Variants in IPO5 observed in about 807,000 individuals in gnomAD.
IPO5 encodes importin 5.
Under a neutral mutation model 143.3 loss-of-function variants are expected in IPO5, and 18 were observed. That is an observed-to-expected ratio of 0.13 (90% confidence interval 0.09 to 0.19). The LOEUF (loss-of-function observed/expected upper bound fraction) is 0.19. IPO5 is among the 10% of genes least tolerant of loss of function. The pLI is 1.00. For missense variants in IPO5, 1,013 were observed against 1,336.9 expected (o/e 0.76, Z 3.78); for synonymous variants, 477 against 465.7 (o/e 1.02, Z -0.31).
chr13:97,991,786 G>T (rs1887827676), intron 9 of IPO5, among the ~76,000 whole-genome samples: 1 of 152,190 alleles, frequency 6.6e-6, no homozygotes, highest in Non-Finnish European at 1.5e-5. Context: ...TTGTGAGTTA[G>T]TTTCTAGGTT....
chr13:97,981,034 C>T (rs1342815218), intron 4 of IPO5, among the ~76,000 whole-genome samples: 1 of 152,078 alleles, frequency 6.6e-6, no homozygotes, highest in Non-Finnish European at 1.5e-5. Context: ...GGTACATAAC[C>T]ATTTTTGCAT....
chr13:98,000,027 G>A (rs1336746831), intron 12 of IPO5, among the ~76,000 whole-genome samples: 1 of 152,214 alleles, frequency 6.6e-6, no homozygotes, highest in Non-Finnish European at 1.5e-5. Context: ...GCTCACGCCT[G>A]TAATCTTAGC....
intron 17 of IPO5, chr13:98,007,280 T>C: frequency 6.6e-6 from 1 of 152,334 alleles, no homozygotes. Context: ...TCCCTTTAAA[T>C]ATGTGCTTGG....
In IPO5 at chr13:97,967,525, AATTG is replaced by A. The variant is rs1051457017; in HGVS notation, c.-112-2195_-112-2192del. ...GTAGGTTATTGATTTCTTCTTTTCTAATTGATAAGGACAGCTCTAAGTGTCCCTA... is the reference window on the plus strand; with the variant it reads ...GTAGGTTATTGATTTCTTCTTTTCTAATAAGGACAGCTCTAAGTGTCCCTA... On this transcript the variant is annotated intron_variant, in intron 2 of 28. Transcript: ENST00000651721. 4.6e-5 allele frequency among the ~76,000 whole-genome samples: 7 copies of A among 151,986 alleles called. 1 individual carries two copies. The highest frequency in any genetic ancestry group is 6.6e-5 in the Admixed American group (1 of 15,264).
At chr13:97,965,579 G>A (rs1314486957) in intron 2 of IPO5, among the ~76,000 whole-genome samples, 1 of 152,082 alleles carries the variant, frequency 6.6e-6, no homozygotes, top group African/African-American at 2.4e-5. Context: ...TTCTGTGAAA[G>A]TTACTATTAC....
chr13:97,973,635 C>G (rs182110188), intron 3 of IPO5, among the ~76,000 whole-genome samples: 29 of 152,310 alleles, frequency 1.9e-4, no homozygotes, highest in Admixed American at 8.5e-4. Flanking sequence ...TTCTCCTTCC[C>G]TTTTGATTGG....
intron 26 of IPO5, among the ~76,000 whole-genome samples, 167 bp downstream of exon 26, chr13:98,018,871 T>C (rs1241482400): frequency 6.6e-6 from 1 of 152,230 alleles, no homozygotes; most frequent in African/African-American, 2.4e-5. Context: ...AAAGATGATT[T>C]ATTCTCATAG....
At chr13:97,995,985 G>C (rs781744863) in intron 11 of IPO5, among the ~76,000 whole-genome samples, 5 of 152,086 alleles carry the variant, frequency 3.3e-5, no homozygotes, top group African/African-American at 9.7e-5. Flanking sequence ...CACCATAAAT[G>C]AACTGAAAAA....
intron 25 of IPO5, 92 bp downstream of exon 25, chr13:98,016,943 G>T: frequency 1.1e-6 from 1 of 941,004 alleles, no homozygotes; most frequent in Non-Finnish European, 1.5e-6. Flanking sequence ...AGTTAAAATG[G>T]GTCTCAGAAA....
At position 98,022,824 on chromosome 13, in the gene IPO5, T is replaced by G. The variant is rs1307542975; in HGVS notation, c.*1002T>G. 3 of 152,644 alleles carry G rather than the reference T, an allele frequency of 2.0e-5. No homozygotes were observed. Among genetic ancestry groups the G allele is most frequent in the Non-Finnish European group, 4.4e-5 (3 of 68,042 alleles). The allele number at this position is 152,644 out of a possible 1,614,324, so 9.5% of individuals were successfully genotyped here. On this transcript the variant is annotated 3_prime_UTR_variant, in exon 29 of 29. Transcript: ENST00000651721. ...TTGCTGTAGAGCCACACACAACTTTTGAACTTTTAATTATAAGTGTTATGG... is the reference window on the plus strand; with the variant it reads ...TTGCTGTAGAGCCACACACAACTTTGGAACTTTTAATTATAAGTGTTATGG...
Position 97,989,070 on chromosome 13 carries a change from G to A in IPO5, c.373G>A (p.Gly125Ser). ...GATTTCTTTACTTTCAGATGAGGATGGCAATAACCAGTGGCCCGAAGGTTT... is the reference window on the plus strand; with the variant it reads ...GATTTCTTTACTTTCAGATGAGGATAGCAATAACCAGTGGCCCGAAGGTTT... ...ELARNLIDED[G>S]NNQWPEGLKF... Residue 125 changes from glycine to serine, a missense_variant, in exon 7 of 29, where the codon GGC (glycine) becomes AGC (serine). This residue lies in a region of IPO5 where 328 missense variants were observed against 342.0 expected (regional missense o/e 0.96). Transcript: ENST00000651721. 6.2e-7 allele frequency: 1 copy of A among 1,603,630 alleles called. No homozygotes were observed. The highest frequency in any genetic ancestry group is 8.5e-7 in the Non-Finnish European group (1 of 1,170,854).
At chr13:97,977,281 C>G (rs1164482529) in intron 4 of IPO5, among the ~76,000 whole-genome samples, 2 of 152,222 alleles carry the variant, frequency 1.3e-5, no homozygotes, top group African/African-American at 4.8e-5. Flanking sequence ...CTGTCCCTCT[C>G]TTTTTAAATA....
chr13:97,976,844 G>T, intron 4 of IPO5, 58 bp downstream of exon 4: 1 of 699,756 alleles, frequency 1.4e-6, no homozygotes, highest in Non-Finnish European at 2.1e-6. Flanking sequence ...ACCCTTTACC[G>T]ACGCCAGCCG....
chr13:98,013,882 A>C (rs1889905908), intron 21 of IPO5, among the ~76,000 whole-genome samples, 160 bp from the exon 22 acceptor site: 1 of 152,124 alleles, frequency 6.6e-6, no homozygotes, highest in South Asian at 2.1e-4. Flanking sequence ...AGGAGACAGG[A>C]GGTATGTCTT....
intron 2 of IPO5, among the ~76,000 whole-genome samples, chr13:97,955,229 G>GAA (rs113662514): frequency 1.5e-5 from 2 of 137,304 alleles, no homozygotes; most frequent in African/African-American, 5.3e-5. Context: ...ACCCTATCAC[G>GAA]AAAAAAAAAA....
At position 97,990,160 on chromosome 13, in the gene IPO5, C is replaced by T; in HGVS notation, c.502C>T (p.His168Tyr). The T allele has an allele frequency of 6.2e-7, 1 of 1,613,110 alleles. No individual in the cohort carries two copies. The highest frequency in any genetic ancestry group is 8.5e-7 in the Non-Finnish European group (1 of 1,179,306). ...FPGIFGNQQQ[H>Y]YLDVIKRMLV... ...TGGAATTTTTGGGAACCAGCAACAA[C>T]ACTATTTAGATGTCATCAAACGAAT... Residue 168 changes from histidine to tyrosine, a missense_variant, in exon 8 of 29, where the codon CAC (histidine) becomes TAC (tyrosine). Transcript: ENST00000651721.
In IPO5 at chr13:97,990,512, C is replaced by T. The variant is rs148968455; in HGVS notation, c.644C>T (p.Ala215Val). 811 of 1,596,022 alleles carry T rather than the reference C, an allele frequency of 5.1e-4. No individual in the cohort carries two copies. The highest frequency in any genetic ancestry group is 6.7e-4 in the South Asian group (59 of 87,480). Reference sequence around the variant, plus strand: ...AATGTTGCTCTGTTCAAACATTTTGCAGACTTGCTACCGGGATTCCTACAG... The same window carrying T: ...AATGTTGCTCTGTTCAAACATTTTGTAGACTTGCTACCGGGATTCCTACAG... ...EHNVALFKHF[A>V]DLLPGFLQAV... Residue 215 changes from alanine (A) to valine (V), a missense_variant, in exon 9 of 29, where the codon GCA (alanine) becomes GTA (valine). Ala to Val is a moderately conservative substitution (Grantham distance 64). Transcript: ENST00000651721.
At chr13:98,011,532 C>T (rs1889717896) in intron 20 of IPO5, among the ~76,000 whole-genome samples, 1 of 135,960 alleles carries the variant, frequency 7.4e-6, no homozygotes, top group South Asian at 2.4e-4. Context: ...CCTCGTGATC[C>T]GTCTAACTCT....
At position 98,023,613 on chromosome 13, in the gene IPO5, C is replaced by T. The variant is rs1187335849; in HGVS notation, c.*1791C>T. The T allele has an allele frequency of 6.6e-6, 1 of 152,206 alleles. No homozygotes were observed. Among genetic ancestry groups the T allele is most frequent in the Non-Finnish European group, 1.5e-5 (1 of 68,044 alleles). The allele number at this position is 152,206 out of a possible 1,614,324, so 9.4% of individuals were successfully genotyped here. ...AGTGTTTGCTGGGCACTATGCTAAG[C>T]ACTTTGGGAGCAAGAACCTCCTACC... On this transcript the variant is annotated 3_prime_UTR_variant, in exon 29 of 29. Coordinates refer to ENST00000651721, the MANE Select transcript of IPO5 (RefSeq NM_002271.6).
Sources: allele counts gnomAD v4.1 joint callset (sites outside exome capture counted in the v4.1 genomes callset), GRCh38; gene constraint gnomAD v4.1.1; regional missense constraint gnomAD v4.1.1; transcripts MANE v1.5; gene names NCBI Gene and HGNC (gene_info 2026-07-23, HGNC 2026-07-21).